RASGRP1: variants seen among roughly 807,000 people sequenced by gnomAD.
RASGRP1 encodes the protein RAS guanyl releasing protein 1.
Under a neutral mutation model 95.1 loss-of-function variants are expected in RASGRP1, and 37 were observed. That is an observed-to-expected ratio of 0.39 (90% confidence interval 0.30 to 0.51). The LOEUF (loss-of-function observed/expected upper bound fraction) is 0.51, where lower values mean the gene tolerates loss of function less well. RASGRP1 is among the 20% of genes least tolerant of loss of function. The pLI, the probability that RASGRP1 is intolerant of heterozygous loss-of-function variation, is 0.80. For synonymous variants in RASGRP1, 325 were observed against 353.4 expected, an observed-to-expected ratio of 0.92 and a Z score of 0.90; for missense variants, 711 against 965.4, an observed-to-expected ratio of 0.74 and a Z score of 3.49.
chr15:38,498,947 C>CT lies in RASGRP1; in HGVS notation c.1721-2dup. 1 of 1,613,988 alleles carries CT rather than the reference C, an allele frequency of 6.2e-7. No homozygotes were observed. The highest frequency in any genetic ancestry group is 8.5e-7 in the Non-Finnish European group (1 of 1,179,878). Reference sequence around the variant, plus strand: ...TGTTTGTGACAGTTCATCCCGCAGTCTGTGGACAAGACATCCTGGGTCAAG... The same window carrying CT: ...TGTTTGTGACAGTTCATCCCGCAGTCTTGTGGACAAGACATCCTGGGTCAAG... On this transcript the variant is annotated splice_acceptor_variant, in intron 14 of 16. Coordinates refer to ENST00000310803, the MANE Select transcript of RASGRP1 (RefSeq NM_005739.4). LOFTEE classifies it high-confidence loss of function.
rs779567751 is a variant in RASGRP1 at position 38,502,366 on chromosome 15, A to C, written c.1484T>G (p.Phe495Cys). Residue 495 changes from phenylalanine (F) to cysteine (C), a missense_variant, in exon 12 of 17, where the codon TTT becomes TGT. By Grantham distance (205) the Phe-to-Cys change is radical (BLOSUM62 -2). This residue lies in a region of RASGRP1 where 491 missense variants were observed against 676.6 expected (regional missense o/e 0.73). Transcript: ENST00000310803. Reference sequence around the variant, plus strand: ...TGGAAAACTCGCAGCAATCTTTTCAAATTCTTCCTGAGAAATGTATCCATC... The same window carrying C: ...TGGAAAACTCGCAGCAATCTTTTCACATTCTTCCTGAGAAATGTATCCATC... ...DQDGYISQEE[F>C]EKIAASFPFS... The C allele has an allele frequency of 1.9e-6, 3 of 1,607,090 alleles. No individual in the cohort carries two copies. The highest frequency in any genetic ancestry group is 1.7e-6 in the Non-Finnish European group (2 of 1,173,698).
At chr15:38,543,521 T>C (rs946790055) in intron 2 of RASGRP1, among the ~76,000 whole-genome samples, 3 of 151,752 alleles carry the variant, frequency 2.0e-5, no homozygotes, top group South Asian at 2.1e-4. Context: ...GGTCCTTTCA[T>C]GTCCATTTAA....
chr15:38,499,723 C>G lies in RASGRP1; in HGVS notation c.1720+380G>C, dbSNP rs79191126. The stretch of plus-strand genomic sequence containing the variant: ...AGCTGATATGGTTTAGCTCTGTGTC[C>G]CCATCCAAACCTCACCTTGTAGTGC... On this transcript the variant is annotated intron_variant, in intron 14 of 16. Coordinates refer to ENST00000310803, the MANE Select transcript of RASGRP1 (RefSeq NM_005739.4). Among the ~76,000 whole-genome samples, 1,362 of 152,160 alleles carry G rather than the reference C, an allele frequency of 9.0e-3. 12 individuals carry two copies. The highest frequency in any genetic ancestry group is 0.014 in the Non-Finnish European group (946 of 68,000).
intron 8 of RASGRP1, among the ~76,000 whole-genome samples, chr15:38,509,639 T>G (rs1891417510): frequency 6.6e-6 from 1 of 152,126 alleles, no homozygotes; most frequent in African/African-American, 2.4e-5. Context: ...GGCAGGAGGA[T>G]TACTTGAACC....
At position 38,512,821 on chromosome 15, in the gene RASGRP1, G is replaced by A. The variant is rs930641482; in HGVS notation, c.811C>T (p.Arg271Ter). 1 of 1,613,740 alleles carries A rather than the reference G, an allele frequency of 6.2e-7. No homozygotes were observed. The highest frequency in any genetic ancestry group is 8.5e-7 in the Non-Finnish European group (1 of 1,179,760). Residue 271 changes from arginine to a stop codon, truncating the protein, a stop_gained, in exon 7 of 17, where the codon CGA becomes TGA. Coordinates refer to ENST00000310803, the MANE Select transcript of RASGRP1 (RefSeq NM_005739.4). LOFTEE classifies it high-confidence loss of function. ...MVLSRPTPQL[R>*]AEVFIKFIQV... is the part of the protein sequence containing the mutation. ...ATGAACTTGATGAAGACTTCTGCTC[G>A]GAGCTGCGGCGTGGGGCGGCTGAGA...
intron 6 of RASGRP1, among the ~76,000 whole-genome samples, chr15:38,515,792 T>C (rs973364071): frequency 1.4e-5 from 2 of 146,656 alleles, no homozygotes; most frequent in Non-Finnish European, 3.0e-5. Flanking sequence ...CCCCCCCTTT[T>C]TTTTTTTGAG....
intron 16 of RASGRP1, among the ~76,000 whole-genome samples, chr15:38,491,988 C>T (rs1890603810): frequency 6.6e-6 from 1 of 152,202 alleles, no homozygotes; most frequent in Admixed American, 6.5e-5. Context: ...CTGTATTTCA[C>T]AAGGACCAAA....
At chr15:38,499,660 A>G (rs1430587589) in intron 14 of RASGRP1, among the ~76,000 whole-genome samples, 2 of 152,154 alleles carry the variant, frequency 1.3e-5, no homozygotes, top group African/African-American at 2.4e-5. Context: ...GACAACTACT[A>G]TGGGTAAAAA....
chr15:38,508,928 C>T (rs12901652), intron 8 of RASGRP1, among the ~76,000 whole-genome samples: 6,635 of 152,200 alleles, frequency 0.044, 192 homozygotes, highest in Non-Finnish European at 0.054. Flanking sequence ...CAGTCCAAGA[C>T]GCCTAATTGA....
At chr15:38,499,038 C>A (rs867513615) in intron 14 of RASGRP1, 92 bp from the exon 15 acceptor site, 1 of 1,499,842 alleles carries the variant, frequency 6.7e-7, no homozygotes, top group South Asian at 1.1e-5. Context: ...GCTTTCTTGT[C>A]ACACATGTCT....
chr15:38,500,070 C>G (rs762585283), intron 14 of RASGRP1, 33 bp downstream of exon 14: 3 of 1,606,440 alleles, frequency 1.9e-6, no homozygotes, highest in Non-Finnish European at 8.5e-7. Context: ...TGGACTGATA[C>G]ACCAGGAATA....
intron 16 of RASGRP1, among the ~76,000 whole-genome samples, chr15:38,492,481 T>C (rs1351458599): frequency 1.3e-5 from 2 of 152,176 alleles, no homozygotes; most frequent in African/African-American, 4.8e-5. Flanking sequence ...TAGAATTATA[T>C]AAGGAATTCT....
chr15:38,518,520 C>A, intron 4 of RASGRP1, 97 bp from the exon 5 acceptor site: 1 of 1,296,194 alleles, frequency 7.7e-7, no homozygotes, highest in African/African-American at 1.5e-5. Flanking sequence ...AAAGAGAACT[C>A]AGAAAAAGAC....
chr15:38,560,320 C>A (rs555106601), intron 1 of RASGRP1: 1 of 353,564 alleles, frequency 2.8e-6, no homozygotes, highest in African/African-American at 2.1e-5. Flanking sequence ...TAGCTCCCAG[C>A]AATGTATACA....
At chr15:38,564,451 G>T in intron 1 of RASGRP1, 143 bp downstream of exon 1, 1 of 324,644 alleles carries the variant, frequency 3.1e-6, no homozygotes, top group Non-Finnish European at 4.5e-6. Flanking sequence ...ACGTCCGCCC[G>T]TCGCGCTGGT....
At chr15:38,531,586 T>C (rs1362352265) in intron 2 of RASGRP1, among the ~76,000 whole-genome samples, 1 of 152,158 alleles carries the variant, frequency 6.6e-6, no homozygotes, top group Non-Finnish European at 1.5e-5. Context: ...ACCTTTACCT[T>C]GCACTGCTTT....
At chr15:38,509,424 G>A (rs1891406614) in intron 8 of RASGRP1, among the ~76,000 whole-genome samples, 1 of 152,172 alleles carries the variant, frequency 6.6e-6, no homozygotes, top group Non-Finnish European at 1.5e-5. Context: ...AGCACAGCAT[G>A]CATTTTAAAA....
chr15:38,502,205 T>A (rs1891057871), intron 12 of RASGRP1, 107 bp downstream of exon 12: 1 of 768,586 alleles, frequency 1.3e-6, no homozygotes, highest in Non-Finnish European at 2.1e-6. Flanking sequence ...CTTTAAGTGA[T>A]CACAGCAGCA....
intron 8 of RASGRP1, among the ~76,000 whole-genome samples, chr15:38,508,658 C>A (rs895777273): frequency 1.3e-5 from 2 of 152,132 alleles, no homozygotes; most frequent in Non-Finnish European, 2.9e-5. Flanking sequence ...CAATTCTGAG[C>A]AAAGGACAGG....
Sources: gnomAD v4.1 joint callset for allele counts (sites outside exome capture counted in the v4.1 genomes callset) on GRCh38, gnomAD v4.1.1 for gene constraint, gnomAD v4.1.1 regional missense constraint, MANE v1.5 for transcripts, NCBI Gene and HGNC (gene_info 2026-07-23, HGNC 2026-07-21) for gene names.